The following FBXW10B variants were observed in gnomAD, a reference collection of about 807,000 sequenced individuals.
FBXW10B encodes the protein F-box and WD repeat domain containing 10B.
the FBXW10B span, among the ~76,000 whole-genome samples, chr17:15,566,588 T>A: frequency 1.3e-5 from 2 of 151,392 alleles, no homozygotes; most frequent in Non-Finnish European, 2.9e-5. Flanking sequence ...TGAGACGGAG[T>A]CTCGCTCTGT....
At chr17:15,567,229 G>A in the FBXW10B span, among the ~76,000 whole-genome samples, 2 of 148,800 alleles carry the variant, frequency 1.3e-5, no homozygotes, top group East Asian at 2.0e-4. Context: ...CCGAGATCAC[G>A]CCACTGCACT....
At chr17:15,599,044 G>A in the FBXW10B span, among the ~76,000 whole-genome samples, 19 of 152,006 alleles carry the variant, frequency 1.2e-4, no homozygotes, top group South Asian at 2.1e-4. Context: ...GCATGGTGGC[G>A]TGCACCTATA....
the FBXW10B span, among the ~76,000 whole-genome samples, chr17:15,571,063 G>A: frequency 2.0e-5 from 3 of 152,162 alleles, no homozygotes; most frequent in African/African-American, 7.2e-5. Flanking sequence ...TAGACAAAAG[G>A]GGCCGGGCAC....
At chr17:15,599,175 A>AC in the FBXW10B span, among the ~76,000 whole-genome samples, 1 of 144,220 alleles carries the variant, frequency 6.9e-6, no homozygotes, top group African/African-American at 2.6e-5. Context: ...CTCTGTCTCA[A>AC]AAAAAAAAAA....
chr17:15,589,438 C>A, the FBXW10B span, among the ~76,000 whole-genome samples: 4 of 151,978 alleles, frequency 2.6e-5, 1 homozygote, highest in Admixed American at 2.6e-4. Flanking sequence ...GAGAAGGTAC[C>A]TGGAGCTGGC....
At chr17:15,565,755 A>G in the FBXW10B span, 1 of 1,614,020 alleles carries the variant, frequency 6.2e-7, no homozygotes, top group Non-Finnish European at 8.5e-7. Flanking sequence ...CGTTCACTCT[A>G]AAAGGATCAA....
the FBXW10B span, among the ~76,000 whole-genome samples, chr17:15,613,267 T>G: frequency 1.1e-4 from 16 of 150,452 alleles, no homozygotes; most frequent in Admixed American, 1.1e-3. Flanking sequence ...GTGCTCCATA[T>G]GAGGTTGATG....
the FBXW10B span, chr17:15,573,605 A>G: frequency 6.5e-6 from 1 of 154,944 alleles, no homozygotes; most frequent in Non-Finnish European, 1.4e-5. Context: ...AATAAACTGA[A>G]TAAACTGCAG....
chr17:15,587,961 C>T, the FBXW10B span, among the ~76,000 whole-genome samples: 4 of 152,122 alleles, frequency 2.6e-5, no homozygotes, highest in African/African-American at 9.7e-5. Context: ...CCTTAGGTTT[C>T]TCAAGAAAGA....
At chr17:15,573,072 C>T in the FBXW10B span, 1 of 152,248 alleles carries the variant, frequency 6.6e-6, no homozygotes. Context: ...GGCTGGCTAC[C>T]ATTGCCTACT....
At chr17:15,594,332 T>C in the FBXW10B span, among the ~76,000 whole-genome samples, 2 of 150,450 alleles carry the variant, frequency 1.3e-5, no homozygotes, top group Admixed American at 1.3e-4. Flanking sequence ...ATTAGCTGGG[T>C]GTGGTGGTGG....
the FBXW10B span, among the ~76,000 whole-genome samples, chr17:15,615,248 G>T: frequency 2.0e-5 from 3 of 149,512 alleles, no homozygotes; most frequent in African/African-American, 7.5e-5. Context: ...GCCATCCCCA[G>T]ATGCTATCAC....
chr17:15,607,699 T>C, the FBXW10B span: 4 of 1,608,694 alleles, frequency 2.5e-6, no homozygotes, highest in Admixed American at 1.7e-5. Context: ...AAGGGAATAT[T>C]TGAAGTTAAA....
chr17:15,592,834 G>A, the FBXW10B span, among the ~76,000 whole-genome samples: 1 of 152,246 alleles, frequency 6.6e-6, no homozygotes, highest in South Asian at 2.1e-4. Context: ...GCCGGGCGCG[G>A]TGGCTCACAC....
the FBXW10B span, among the ~76,000 whole-genome samples, chr17:15,613,118 A>G: frequency 6.6e-6 from 1 of 152,162 alleles, no homozygotes; most frequent in Non-Finnish European, 1.5e-5. Flanking sequence ...GGAAAAAAAA[A>G]AAATCCAAGT....
the FBXW10B span, chr17:15,594,519 T>C: frequency 3.4e-6 from 2 of 593,646 alleles, no homozygotes; most frequent in African/African-American, 1.9e-5. Context: ...CCAGTTTCTA[T>C]AGTTACTTCA....
the FBXW10B span, among the ~76,000 whole-genome samples, chr17:15,575,514 C>G: frequency 1.3e-5 from 2 of 149,520 alleles, no homozygotes; most frequent in African/African-American, 5.2e-5. Context: ...CACCACTTCA[C>G]TAGTTGCAGC....
the FBXW10B span, among the ~76,000 whole-genome samples, chr17:15,584,562 T>G: frequency 1.5e-4 from 23 of 152,344 alleles, no homozygotes; most frequent in African/African-American, 5.3e-4. Context: ...AAAATAAATT[T>G]CACACAGTTT....
the FBXW10B span, among the ~76,000 whole-genome samples, chr17:15,617,640 C>CG: frequency 1.3e-5 from 2 of 152,188 alleles, no homozygotes; most frequent in African/African-American, 4.8e-5. Context: ...TAATATAGTT[C>CG]GAGCAAGAGC....
Sources: allele counts gnomAD v4.1 joint callset (sites outside exome capture counted in the v4.1 genomes callset), GRCh38; gene constraint gnomAD v4.1.1; transcripts MANE v1.5; gene names NCBI Gene and HGNC (gene_info 2026-07-23, HGNC 2026-07-21).